AGPAT4: variants seen among roughly 807,000 people sequenced by gnomAD.
The protein encoded by AGPAT4 is 1-acyl-sn-glycerol-3-phosphate acyltransferase delta.
A neutral mutation model predicts 48.0 loss-of-function variants in AGPAT4; 15 were observed. The ratio of observed to expected loss-of-function variants is 0.31; its 90% CI spans 0.21 to 0.48. AGPAT4 has a LOEUF of 0.48. Ranked by LOEUF, AGPAT4 falls within the 20% of genes least tolerant of loss-of-function variation. AGPAT4 has a pLI of 0.99. For synonymous variants in AGPAT4, 178 were observed against 198.7 expected (o/e 0.90, Z 0.88); for missense variants, 314 against 482.5 (o/e 0.65, Z 3.27).
rs1782459887 is a variant in AGPAT4 at position 161,240,752 on chromosome 6, A to G, written c.-89-8450T>C. On this transcript the variant is annotated intron_variant, in intron 1 of 8. Transcript: ENST00000320285. The surrounding 1 kb of genome is among the most constrained non-coding windows in gnomAD (Gnocchi z 5.5). ...GATTGCCAGCACTCCTTCAGGTCGG[A>G]TGAATGTGGCCAAAGTCTCCACCAG... Among the ~76,000 whole-genome samples the G allele has an allele frequency of 6.6e-6, 1 of 152,112 alleles. No homozygotes were observed. The highest frequency in any genetic ancestry group is 1.5e-5 in the Non-Finnish European group (1 of 68,024).
chr6:161,190,584 A>AG (rs71542996), intron 2 of AGPAT4, among the ~76,000 whole-genome samples: 5 of 121,076 alleles, frequency 4.1e-5, no homozygotes, highest in Non-Finnish European at 7.1e-5. Flanking sequence ...GAAGAAACCA[A>AG]GGGAAAAAAA....
In AGPAT4 at chr6:161,261,712, A is replaced by T. The variant is rs11755744; in HGVS notation, c.-90+12226T>A. ...AATTGAGCTCTACCTCTTTTCTAGG[A>T]ATACATGTTTGTAAGGGGGTTTCCT... On this transcript the variant is annotated intron_variant, in intron 1 of 8. Coordinates refer to ENST00000320285, the MANE Select transcript of AGPAT4 (RefSeq NM_020133.3). This position sits in a 1 kb window ranked among gnomAD's most constrained non-coding sequence, Gnocchi z 5.3. Among the ~76,000 whole-genome samples, 23,340 of 152,256 alleles carry T rather than the reference A, an allele frequency of 0.15. 1,949 individuals carry two copies. The highest frequency in any genetic ancestry group is 0.18 in the Non-Finnish European group (12,393 of 68,014).
intron 2 of AGPAT4, among the ~76,000 whole-genome samples, chr6:161,182,231 C>T (rs1583308806): frequency 6.7e-6 from 1 of 149,486 alleles, no homozygotes; most frequent in South Asian, 2.1e-4. Flanking sequence ...ACCCTATCCC[C>T]TCATCCCCGC....
Position 161,164,220 on chromosome 6 carries a change from A to T in AGPAT4, c.348+2028T>A, listed in dbSNP as rs1780026318. ...GAATGTCTCTTCCCGTCTGGGGGCTATGTCCTCTCTCTGGACCTGGGTCCC... is the reference window on the plus strand; with the variant it reads ...GAATGTCTCTTCCCGTCTGGGGGCTTTGTCCTCTCTCTGGACCTGGGTCCC... On this transcript the variant is annotated intron_variant, in intron 3 of 8. Coordinates refer to ENST00000320285, the MANE Select transcript of AGPAT4 (RefSeq NM_020133.3). This position sits in a 1 kb window ranked among gnomAD's most constrained non-coding sequence, Gnocchi z 7.4. 6.6e-6 allele frequency among the ~76,000 whole-genome samples: 1 copy of T among 152,174 alleles called. No individual in the cohort carries two copies. The highest frequency in any genetic ancestry group is 1.5e-5 in the Non-Finnish European group (1 of 68,028).
Position 161,142,091 on chromosome 6 carries a change from T to G in AGPAT4, c.844-2471A>C, listed in dbSNP as rs969941127. Among the ~76,000 whole-genome samples, 1 of 152,226 alleles carries G rather than the reference T, an allele frequency of 6.6e-6. No individual in the cohort carries two copies. Among genetic ancestry groups the G allele is most frequent in the Non-Finnish European group, 1.5e-5 (1 of 68,026 alleles). On this transcript the variant is annotated intron_variant, in intron 7 of 8. Transcript: ENST00000320285. This position sits in a 1 kb window ranked among gnomAD's most constrained non-coding sequence, Gnocchi z 6.4. ...CTGGTATTGAACTCCTGACCTCAGG[T>G]GATCCTCCTGCCTCAGCCTCCCAAA...
Position 161,148,127 on chromosome 6 carries a change from C to G in AGPAT4, c.767+1060G>C, listed in dbSNP as rs548735644. Among the ~76,000 whole-genome samples the G allele has an allele frequency of 6.6e-6, 1 of 152,322 alleles. No homozygotes were observed. Among genetic ancestry groups the G allele is most frequent in the South Asian group, 2.1e-4 (1 of 4,830 alleles). ...GGCCATTGAGTGGAGCTCCTGCCAG[C>G]TGTCAGAGAACATGGGGAATAAAAC... On this transcript the variant is annotated intron_variant, in intron 6 of 8. Coordinates refer to ENST00000320285, the MANE Select transcript of AGPAT4 (RefSeq NM_020133.3). The surrounding 1 kb of genome is among the most constrained non-coding windows in gnomAD (Gnocchi z 5.5).
rs1269994460 is a variant in AGPAT4, at chr6:161,234,811, G to A, written c.-89-2509C>T. Among the ~76,000 whole-genome samples, 1 of 151,942 alleles carries A rather than the reference G, an allele frequency of 6.6e-6. No homozygotes were observed. Among genetic ancestry groups the A allele is most frequent in the Non-Finnish European group, 1.5e-5 (1 of 68,002 alleles). On this transcript the variant is annotated intron_variant, in intron 1 of 8. Coordinates refer to ENST00000320285, the MANE Select transcript of AGPAT4 (RefSeq NM_020133.3). The surrounding 1 kb of genome is among the most constrained non-coding windows in gnomAD (Gnocchi z 4.4). ...GCCAGCTGACATCGGAAATGCAGGG[G>A]GTTAAATGCTGCCTTCTTCAGTGTC...
At chr6:161,203,381 CTTTTTTTTTTTTTTTT>C (rs10585542) in intron 2 of AGPAT4, among the ~76,000 whole-genome samples, 4 of 110,764 alleles carry the variant, frequency 3.6e-5, no homozygotes, top group Non-Finnish European at 7.5e-5. Context: ...CTTTTTCTTT[CTTTTTTTTTTTTTTTT>C]TTTTTTTTGA....
chr6:161,172,767 A>G (rs1326450319), intron 2 of AGPAT4, among the ~76,000 whole-genome samples: 1 of 152,044 alleles, frequency 6.6e-6, no homozygotes, highest in Non-Finnish European at 1.5e-5. Context: ...TACATTAGGT[A>G]TATCTCCTAA....
rs1289364703 is a variant in AGPAT4, at chr6:161,232,667, C to G, written c.-89-365G>C. 6.6e-6 allele frequency among the ~76,000 whole-genome samples: 1 copy of G among 152,208 alleles called. No individual in the cohort carries two copies. Among genetic ancestry groups the G allele is most frequent in the Non-Finnish European group, 1.5e-5 (1 of 68,028 alleles). ...ACTTGAGTGACGGCTGCCCACAGGA[C>G]AGGCCGCAAATCCGGCCTCCCCTCC... On this transcript the variant is annotated intron_variant, in intron 1 of 8. Coordinates refer to ENST00000320285, the MANE Select transcript of AGPAT4 (RefSeq NM_020133.3). This position sits in a 1 kb window ranked among gnomAD's most constrained non-coding sequence, Gnocchi z 6.8.
chr6:161,212,294 T>C lies in AGPAT4; in HGVS notation c.178+19742A>G, dbSNP rs990584044. The stretch of plus-strand genomic sequence containing the variant: ...AGTCTCCTCTCTCAAAGAATGAAGA[T>C]GTTTGCCTTTTTTGAAATCCTTGAG... On this transcript the variant is annotated intron_variant, in intron 2 of 8. Transcript: ENST00000320285. The surrounding 1 kb of genome is among the most constrained non-coding windows in gnomAD (Gnocchi z 6.1). Among the ~76,000 whole-genome samples, 2 of 152,214 alleles carry C rather than the reference T, an allele frequency of 1.3e-5. No individual in the cohort carries two copies. The highest frequency in any genetic ancestry group is 4.8e-5 in the African/African-American group (2 of 41,462).
chr6:161,150,252 A>T (rs1779550822), intron 5 of AGPAT4, among the ~76,000 whole-genome samples: 1 of 152,200 alleles, frequency 6.6e-6, no homozygotes, highest in South Asian at 2.1e-4. Flanking sequence ...CGGTAGGAGG[A>T]ACGGGTGGGA....
At position 161,201,593 on chromosome 6, in the gene AGPAT4, A is replaced by G. The variant is rs3778226; in HGVS notation, c.178+30443T>C. On this transcript the variant is annotated intron_variant, in intron 2 of 8. Coordinates refer to ENST00000320285, the MANE Select transcript of AGPAT4 (RefSeq NM_020133.3). This position sits in a 1 kb window ranked among gnomAD's most constrained non-coding sequence, Gnocchi z 6.0. ...CTGTCTTCTTCAGCAGGGCTTCTCAAACTCTAATGTGCATTTGCATCATTG... is the reference window on the plus strand; with the variant it reads ...CTGTCTTCTTCAGCAGGGCTTCTCAGACTCTAATGTGCATTTGCATCATTG... 0.68 allele frequency among the ~76,000 whole-genome samples: 103,907 copies of G among 152,144 alleles called. 36,635 individuals are homozygous for G. Among genetic ancestry groups the G allele is most frequent in the African/African-American group, 0.86 (35,560 of 41,540 alleles).
chr6:161,224,640 CAAAAAAAAAAA>C, intron 2 of AGPAT4, among the ~76,000 whole-genome samples: 1 of 78,662 alleles, frequency 1.3e-5, no homozygotes, highest in South Asian at 4.9e-4. Context: ...GACTCCTTCT[CAAAAAAAAAAA>C]AAAAAAAAAG....
rs546703282 is a variant in AGPAT4, at chr6:161,225,084, A to C, written c.178+6952T>G. Among the ~76,000 whole-genome samples, 1 of 149,284 alleles carries C rather than the reference A, an allele frequency of 6.7e-6. No homozygotes were observed. The highest frequency in any genetic ancestry group is 2.1e-4 in the South Asian group (1 of 4,744). ...CCGATTACCTGCTTCACCCTGACTCATTCGGATTATTACCTGCTCTACCCA... is the reference window on the plus strand; with the variant it reads ...CCGATTACCTGCTTCACCCTGACTCCTTCGGATTATTACCTGCTCTACCCA... On this transcript the variant is annotated intron_variant, in intron 2 of 8. Transcript: ENST00000320285. This position sits in a 1 kb window ranked among gnomAD's most constrained non-coding sequence, Gnocchi z 5.0.
chr6:161,161,324 G>A lies in AGPAT4; in HGVS notation c.348+4924C>T. On this transcript the variant is annotated intron_variant, in intron 3 of 8. Transcript: ENST00000320285. The surrounding 1 kb of genome is among the most constrained non-coding windows in gnomAD (Gnocchi z 4.6). ...CGGTGCAGCCATAGTCCCGTGAGCT[G>A]CCCACTTCCTGCCCTGGCCAGTGGT... 1 of 456,702 alleles carries A rather than the reference G, an allele frequency of 2.2e-6. No homozygotes were observed. The highest frequency in any genetic ancestry group is 1.5e-5 in the South Asian group (1 of 64,570). 28.3% of individuals were successfully genotyped at this position (456,702 alleles called of 1,614,324 possible).
intron 2 of AGPAT4, among the ~76,000 whole-genome samples, chr6:161,187,498 G>A (rs1780802077): frequency 1.3e-5 from 2 of 149,396 alleles, no homozygotes; most frequent in African/African-American, 4.9e-5. Context: ...GTATGGTCCT[G>A]AAGCCCATTT....
rs1562359103 is a variant in AGPAT4, at chr6:161,254,707, C to T, written c.-90+19231G>A. Among the ~76,000 whole-genome samples the T allele has an allele frequency of 6.6e-6, 1 of 152,196 alleles. No individual in the cohort carries two copies. Among genetic ancestry groups the T allele is most frequent in the East Asian group, 1.9e-4 (1 of 5,192 alleles). ...TAGCAAATCCTTAGATTTACTGAGGCTACTTACAACTTCTTCTGTTAATCC... is the reference window on the plus strand; with the variant it reads ...TAGCAAATCCTTAGATTTACTGAGGTTACTTACAACTTCTTCTGTTAATCC... On this transcript the variant is annotated intron_variant, in intron 1 of 8. Transcript: ENST00000320285. The surrounding 1 kb of genome is among the most constrained non-coding windows in gnomAD (Gnocchi z 5.9).
chr6:161,209,770 G>A (rs1167660134), intron 2 of AGPAT4, among the ~76,000 whole-genome samples: 4 of 152,088 alleles, frequency 2.6e-5, no homozygotes, highest in South Asian at 2.1e-4. Context: ...TTCAACCGAC[G>A]TTTGTTGAAT....
Sources: allele counts gnomAD v4.1 joint callset (sites outside exome capture counted in the v4.1 genomes callset), GRCh38; gene constraint gnomAD v4.1.1; non-coding constraint Gnocchi (gnomAD v3.1); transcripts MANE v1.5; gene names NCBI Gene and HGNC (gene_info 2026-07-23, HGNC 2026-07-21).